Variants in EYS observed in about 807,000 individuals in gnomAD.
EYS encodes the protein protein eyes shut homolog.
A neutral mutation model predicts 282.1 loss-of-function variants in EYS; 250 were observed. The ratio of observed to expected loss-of-function variants is 0.89; its 90% CI spans 0.80 to 0.98. EYS has a LOEUF of 0.98. Ranked by LOEUF, EYS falls within the 50% of genes least tolerant of loss-of-function variation. The pLI, the probability that EYS is intolerant of heterozygous loss-of-function variation, is 0.00. For missense variants in EYS, 4,016 were observed against 3,709.0 expected (o/e 1.08, Z -2.15); for synonymous variants, 1,355 against 1,282.9 (o/e 1.06, Z -1.20).
intron 22 of EYS, among the ~76,000 whole-genome samples, chr6:64,685,199 A>G (rs551178984): frequency 2.0e-5 from 3 of 152,184 alleles, no homozygotes; most frequent in Admixed American, 6.5e-5. Flanking sequence ...TCATAATGGC[A>G]AAAGGAAAAA....
intron 11 of EYS, chr6:65,330,605 A>G (rs1449069632): frequency 1.5e-5 from 14 of 958,228 alleles, no homozygotes; most frequent in Non-Finnish European, 1.7e-5. Context: ...ATCTGCACCC[A>G]TTTAAAATAC....
intron 29 of EYS, among the ~76,000 whole-genome samples, chr6:64,355,001 C>G (rs1771776246): frequency 1.3e-5 from 2 of 151,606 alleles, no homozygotes; most frequent in African/African-American, 4.8e-5. Flanking sequence ...TGAATACCTC[C>G]TATATTAATC....
At chr6:64,692,501 C>A (rs1381261156) in intron 22 of EYS, among the ~76,000 whole-genome samples, 2 of 152,064 alleles carry the variant, frequency 1.3e-5, no homozygotes, top group East Asian at 1.9e-4. Context: ...TTTTTGTTTT[C>A]ATTGCAATTG....
intron 12 of EYS, among the ~76,000 whole-genome samples, chr6:65,207,489 A>C (rs2150249849): frequency 6.6e-6 from 1 of 151,994 alleles, no homozygotes; most frequent in African/African-American, 2.4e-5. Flanking sequence ...ATTCCTATCA[A>C]GTAGCAATGT....
intron 12 of EYS, among the ~76,000 whole-genome samples, chr6:65,174,127 C>T (rs776792418): frequency 1.1e-4 from 17 of 151,194 alleles, no homozygotes; most frequent in Non-Finnish European, 2.1e-4. Context: ...AAGCAAACTT[C>T]ACCCACAAAC....
At chr6:64,890,399 C>T (rs1156637605) in intron 18 of EYS, among the ~76,000 whole-genome samples, 2 of 152,114 alleles carry the variant, frequency 1.3e-5, no homozygotes, top group African/African-American at 2.4e-5. Context: ...CTGGTTTTTG[C>T]GGCTTGTGAG....
chr6:64,519,114 T>A (rs1462239614), intron 26 of EYS, among the ~76,000 whole-genome samples: 1 of 151,750 alleles, frequency 6.6e-6, no homozygotes, highest in Non-Finnish European at 1.5e-5. Context: ...GAGGCTATGA[T>A]ACTGGGTAGG....
At chr6:63,819,619 T>C (rs886371264) in intron 36 of EYS, among the ~76,000 whole-genome samples, 2 of 152,212 alleles carry the variant, frequency 1.3e-5, no homozygotes, top group Admixed American at 1.3e-4. Flanking sequence ...TAATATACGA[T>C]ATTTCTATTT....
At chr6:64,006,881 T>C (rs1768373998) in intron 33 of EYS, among the ~76,000 whole-genome samples, 1 of 152,170 alleles carries the variant, frequency 6.6e-6, no homozygotes, top group South Asian at 2.1e-4. Context: ...GATGTGCTGC[T>C]GGATTTGGTT....
At chr6:63,934,100 G>C (rs569883140) in intron 35 of EYS, among the ~76,000 whole-genome samples, 3 of 152,296 alleles carry the variant, frequency 2.0e-5, no homozygotes, top group Admixed American at 1.3e-4. Context: ...GATATGAACA[G>C]ACACTTCTCA....
At chr6:65,216,589 T>C (rs936045503) in intron 12 of EYS, among the ~76,000 whole-genome samples, 1 of 151,830 alleles carries the variant, frequency 6.6e-6, no homozygotes, top group African/African-American at 2.4e-5. Context: ...TAGAATATAT[T>C]GAGTTTAAAA....
intron 22 of EYS, among the ~76,000 whole-genome samples, chr6:64,632,836 T>A (rs1262761595): frequency 1.3e-5 from 2 of 152,138 alleles, no homozygotes; most frequent in African/African-American, 2.4e-5. Flanking sequence ...CATTTCAGTA[T>A]TTTTATTACT....
At chr6:63,975,971 C>T (rs1766817665) in intron 35 of EYS, among the ~76,000 whole-genome samples, 1 of 151,992 alleles carries the variant, frequency 6.6e-6, no homozygotes, top group African/African-American at 2.4e-5. Context: ...TGGTCTATTG[C>T]TCCTGAGCTA....
rs9453171 is a variant in EYS, at chr6:65,066,951, A to C, written c.2024-9224T>G. Among the ~76,000 whole-genome samples the C allele has an allele frequency of 3.3e-3, 498 of 152,276 alleles. 4 individuals are homozygous for C. Among genetic ancestry groups the C allele is most frequent in the African/African-American group, 0.012 (490 of 41,562 alleles). ...TTAGCATATAGAATTATTATTCCTG[A>C]AACGACAGAGGAGAGAAAGGTCATG... On this transcript the variant is annotated intron_variant, in intron 12 of 42. Coordinates refer to ENST00000503581, the MANE Select transcript of EYS (RefSeq NM_001142800.2).
At chr6:64,340,993 G>A (rs552091119) in intron 29 of EYS, among the ~76,000 whole-genome samples, 7 of 151,680 alleles carry the variant, frequency 4.6e-5, no homozygotes, top group African/African-American at 9.7e-5. Flanking sequence ...TCAGAGAAAC[G>A]CAAATCCAAA....
intron 11 of EYS, among the ~76,000 whole-genome samples, chr6:65,313,563 T>TG (rs1178584067): frequency 3.4e-5 from 5 of 148,832 alleles, no homozygotes; most frequent in African/African-American, 1.2e-4. Flanking sequence ...CCAAAAATCA[T>TG]GGAGTCATTT....
At chr6:64,174,274 T>A (rs557042690) in intron 31 of EYS, among the ~76,000 whole-genome samples, 2 of 152,278 alleles carry the variant, frequency 1.3e-5, no homozygotes, top group South Asian at 4.1e-4. Flanking sequence ...GAATTTCTTG[T>A]ATATTTTTGC....
intron 12 of EYS, among the ~76,000 whole-genome samples, chr6:65,202,986 C>CGGTCT (rs1765941088): frequency 6.6e-6 from 1 of 152,154 alleles, no homozygotes; most frequent in Non-Finnish European, 1.5e-5. Context: ...GCTGCCAGCT[C>CGGTCT]ACCAGACCCA....
chr6:65,396,973 A>T (rs908560099), intron 7 of EYS, among the ~76,000 whole-genome samples: 1 of 151,696 alleles, frequency 6.6e-6, no homozygotes, highest in Non-Finnish European at 1.5e-5. Context: ...AACTTTCCTT[A>T]GTTGCCAGTT....
Sources: allele counts gnomAD v4.1 joint callset (sites outside exome capture counted in the v4.1 genomes callset), GRCh38; gene constraint gnomAD v4.1.1; transcripts MANE v1.5; gene names NCBI Gene and HGNC (gene_info 2026-07-23, HGNC 2026-07-21).